The following NCKAP5 variants were observed in gnomAD, a reference collection of about 807,000 sequenced individuals.
The protein encoded by NCKAP5 is nck-associated protein 5.
NCKAP5 carries 92 observed loss-of-function variants against 167.0 expected under a neutral mutation model. That is an observed-to-expected ratio of 0.55 (90% confidence interval 0.47 to 0.66). The LOEUF (loss-of-function observed/expected upper bound fraction) is 0.66, where lower values mean the gene tolerates loss of function less well. Among genes scored for constraint, NCKAP5 ranks in the 30% least tolerant of loss-of-function variants. The pLI is 0.00. For synonymous variants in NCKAP5, 891 were observed against 877.4 expected (o/e 1.02, Z -0.27); for missense variants, 2,378 against 2,315.0 (o/e 1.03, Z -0.56).
At chr2:132,731,363 T>G (rs1690989834) in intron 17 of NCKAP5, among the ~76,000 whole-genome samples, 1 of 152,242 alleles carries the variant, frequency 6.6e-6, no homozygotes, top group African/African-American at 2.4e-5. Flanking sequence ...CACGTATGTT[T>G]CTGGTTAGAA....
At chr2:132,697,606 C>CT (rs10594573) in intron 19 of NCKAP5, among the ~76,000 whole-genome samples, 34 of 148,050 alleles carry the variant, frequency 2.3e-4, no homozygotes, top group East Asian at 1.2e-3. Flanking sequence ...AAGGTCCCAT[C>CT]TTTTTTTTTT....
In NCKAP5 at chr2:133,479,741, G is replaced by C. The variant is rs139095953; in HGVS notation, c.69+37717C>G. ...TTGCAGTACAAGGGAATAAATAAAA[G>C]ATGATGAACCCAGAACAGAATCAAA... On this transcript the variant is annotated intron_variant, in intron 3 of 19. Transcript: ENST00000409261. Among the ~76,000 whole-genome samples, 3 of 152,236 alleles carry C rather than the reference G, an allele frequency of 2.0e-5. No homozygotes were observed. The East Asian group carries it at 5.8e-4, about 29-fold the overall frequency.
At chr2:133,549,259 G>T (rs1687052407) in intron 2 of NCKAP5, among the ~76,000 whole-genome samples, 1 of 152,112 alleles carries the variant, frequency 6.6e-6, no homozygotes, top group African/African-American at 2.4e-5. Flanking sequence ...AAGAGACTTA[G>T]ACTCCCACAC....
chr2:133,472,492 G>C (rs536100337), intron 3 of NCKAP5, among the ~76,000 whole-genome samples: 1 of 151,584 alleles, frequency 6.6e-6, no homozygotes, highest in Non-Finnish European at 1.5e-5. Context: ...TCCTTTTTAG[G>C]CTCCCCTCCA....
chr2:132,753,539 G>A (rs1165286464), intron 16 of NCKAP5, among the ~76,000 whole-genome samples: 1 of 152,322 alleles, frequency 6.6e-6, no homozygotes, highest in Non-Finnish European at 1.5e-5. Flanking sequence ...GAAAACAAAT[G>A]TGCCTGCATT....
In NCKAP5 at chr2:132,982,822, C is replaced by A. The variant is rs138960254; in HGVS notation, c.429+11330G>T. Among the ~76,000 whole-genome samples the A allele has an allele frequency of 2.7e-3, 407 of 152,316 alleles. 3 individuals carry two copies. The highest frequency in any genetic ancestry group is 9.2e-3 in the African/African-American group (381 of 41,572). On this transcript the variant is annotated intron_variant, in intron 7 of 19. Transcript: ENST00000409261. ...TAGGATAATGGCTTCCAACTGCATC[C>A]ATGTTGCTGCAAGGAACATGATTTC...
At position 132,680,230 on chromosome 2, in the gene NCKAP5, C is replaced by T. The variant is rs184023245; in HGVS notation, c.5714-6925G>A. The stretch of plus-strand genomic sequence containing the variant: ...TTGCCCTTCTGAAAAATTAAAGTGA[C>T]GCATTGGTAATAGAGAACCACTCTC... On this transcript the variant is annotated intron_variant, in intron 19 of 19. Transcript: ENST00000409261. Among the ~76,000 whole-genome samples, 201 of 152,112 alleles carry T rather than the reference C, an allele frequency of 1.3e-3. 3 individuals carry two copies. In the South Asian group the frequency reaches 0.014, roughly 11 times the overall value.
intron 3 of NCKAP5, among the ~76,000 whole-genome samples, chr2:133,445,593 T>G (rs1691143660): frequency 6.6e-6 from 1 of 152,178 alleles, no homozygotes; most frequent in Admixed American, 6.5e-5. Flanking sequence ...GAGGCTCCAA[T>G]GCAAATTGTT....
In NCKAP5 at chr2:133,498,189, C is replaced by T. The variant is rs552063928; in HGVS notation, c.69+19269G>A. Among the ~76,000 whole-genome samples, 292 of 152,254 alleles carry T rather than the reference C, an allele frequency of 1.9e-3. 3 individuals are homozygous for T. Among genetic ancestry groups the T allele is most frequent in the African/African-American group, 6.5e-3 (269 of 41,538 alleles). On this transcript the variant is annotated intron_variant, in intron 3 of 19. Transcript: ENST00000409261. ...AAAGCTTAGCCTTTGAGAGCTGTGGCTACTGTGTTGAAGAGCAAGCTCTGG... is the reference window on the plus strand; with the variant it reads ...AAAGCTTAGCCTTTGAGAGCTGTGGTTACTGTGTTGAAGAGCAAGCTCTGG...
intron 6 of NCKAP5, among the ~76,000 whole-genome samples, chr2:133,113,165 A>G (rs1240134040): frequency 2.0e-5 from 3 of 150,958 alleles, no homozygotes; most frequent in African/African-American, 7.3e-5. Flanking sequence ...GGTGCTCAGA[A>G]TCCTCTCTTC....
intron 3 of NCKAP5, among the ~76,000 whole-genome samples, chr2:133,405,960 C>T (rs542702897): frequency 3.9e-5 from 6 of 152,316 alleles, no homozygotes; most frequent in East Asian, 3.9e-4. Flanking sequence ...GGCAACTCTT[C>T]GACAGTACTC....
the NCKAP5 span, among the ~76,000 whole-genome samples, chr2:133,601,913 C>CT: frequency 2.0e-5 from 3 of 152,098 alleles, no homozygotes; most frequent in Non-Finnish European, 4.4e-5. Flanking sequence ...TTAGGCAGAG[C>CT]TCAGATCACA....
intron 6 of NCKAP5, among the ~76,000 whole-genome samples, chr2:133,052,890 T>C (rs1488887261): frequency 6.6e-6 from 1 of 152,124 alleles, no homozygotes; most frequent in Non-Finnish European, 1.5e-5. Context: ...AAGTAGTCTC[T>C]TTTGAAGGGT....
chr2:133,538,918 GT>G (rs1333630907), intron 2 of NCKAP5, among the ~76,000 whole-genome samples: 4 of 123,014 alleles, frequency 3.3e-5, no homozygotes, highest in Admixed American at 8.1e-5. Context: ...GTTTTTTTTT[GT>G]GGTTTTTTTG....
intron 3 of NCKAP5, among the ~76,000 whole-genome samples, chr2:133,426,801 G>T (rs2151110574): frequency 6.6e-6 from 1 of 152,308 alleles, no homozygotes; most frequent in East Asian, 1.9e-4. Flanking sequence ...GGAGAAACTA[G>T]ATGAGAGGTA....
At chr2:133,613,927 G>A in the NCKAP5 span, among the ~76,000 whole-genome samples, 1 of 152,204 alleles carries the variant, frequency 6.6e-6, no homozygotes, top group African/African-American at 2.4e-5. Context: ...GGTCCTATAT[G>A]AGTCGTTGGA....
chr2:132,909,181 T>C (rs145370649), intron 8 of NCKAP5, among the ~76,000 whole-genome samples: 9 of 152,266 alleles, frequency 5.9e-5, no homozygotes, highest in African/African-American at 2.2e-4. Context: ...ACCTCATCTC[T>C]ACAAAAATGC....
chr2:133,067,033 A>AT (rs1395729762), intron 6 of NCKAP5, among the ~76,000 whole-genome samples: 2 of 108,372 alleles, frequency 1.8e-5, no homozygotes, highest in Admixed American at 9.2e-5. Context: ...TTTATTTTTT[A>AT]TTTTTTTATT....
chr2:133,196,574 A>G (rs1040116877), intron 5 of NCKAP5, among the ~76,000 whole-genome samples: 3 of 152,194 alleles, frequency 2.0e-5, no homozygotes, highest in African/African-American at 4.8e-5. Flanking sequence ...TGGAACATCT[A>G]TCTAAGGATT....
Sources: gnomAD v4.1 joint callset for allele counts (sites outside exome capture counted in the v4.1 genomes callset) on GRCh38, gnomAD v4.1.1 for gene constraint, MANE v1.5 for transcripts, NCBI Gene and HGNC (gene_info 2026-07-23, HGNC 2026-07-21) for gene names.